The following ADD1 variants were observed in gnomAD, a reference collection of about 807,000 sequenced individuals.
The protein encoded by ADD1 is adducin 1, also known as alpha-adducin.
In ADD1, 24 loss-of-function variants were observed where a neutral mutation model predicts 80.5. That is an observed-to-expected ratio of 0.30 (90% CI 0.22 to 0.42). ADD1 has a LOEUF of 0.42. Among genes scored for constraint, ADD1 ranks in the 10% least tolerant of loss-of-function variants. The probability of loss-of-function intolerance (pLI) is 1.00; values close to 1 mark genes in which losing one functional copy is unlikely to be tolerated. For synonymous variants in ADD1, 373 were observed against 393.8 expected (o/e 0.95, Z 0.63); for missense variants, 948 against 1,019.0 (o/e 0.93, Z 0.95).
At chr4:2,850,222 C>T (rs778790127) in intron 1 of ADD1, among the ~76,000 whole-genome samples, 1 of 152,200 alleles carries the variant, frequency 6.6e-6, no homozygotes, top group Admixed American at 6.5e-5. Flanking sequence ...AGACCATGTG[C>T]TTCATGATTT....
chr4:2,844,560 C>T (rs1395286884), intron 1 of ADD1: 1 of 152,258 alleles, frequency 6.6e-6, no homozygotes, highest in Non-Finnish European at 1.5e-5. Flanking sequence ...TTTGCCCTCC[C>T]TCTCTTTTCT....
At chr4:2,846,842 G>A (rs1023080565) in intron 1 of ADD1, among the ~76,000 whole-genome samples, 3 of 148,844 alleles carry the variant, frequency 2.0e-5, no homozygotes, top group African/African-American at 5.0e-5. Flanking sequence ...AAAAAGCCGA[G>A]CGTGGTGGCT....
chr4:2,868,124 C>G (rs1729829394), intron 1 of ADD1: 1 of 152,258 alleles, frequency 6.6e-6, no homozygotes, highest in African/African-American at 2.4e-5. Flanking sequence ...GAACCTTCAA[C>G]ATAAGGTGGG....
At chr4:2,855,961 A>T (rs187096793) in intron 1 of ADD1, among the ~76,000 whole-genome samples, 5 of 151,548 alleles carry the variant, frequency 3.3e-5, no homozygotes, top group Admixed American at 2.6e-4. Context: ...AGTCTCCCAG[A>T]GTGCTAGGAT....
intron 1 of ADD1, among the ~76,000 whole-genome samples, chr4:2,867,160 G>A (rs543498315): frequency 1.3e-5 from 2 of 152,292 alleles, no homozygotes; most frequent in South Asian, 4.1e-4. Flanking sequence ...TGGAATTAAC[G>A]AGTGTGTGTG....
chr4:2,894,245 A>G, intron 5 of ADD1, 152 bp downstream of exon 5: 1 of 683,810 alleles, frequency 1.5e-6, no homozygotes, highest in South Asian at 1.9e-5. Context: ...CTTTGAGAGA[A>G]GTTACAAATA....
chr4:2,903,280 G>A (rs1736498214), intron 9 of ADD1, among the ~76,000 whole-genome samples: 1 of 152,178 alleles, frequency 6.6e-6, no homozygotes, highest in South Asian at 2.1e-4. Context: ...GTTCAGGTGC[G>A]AATCTGTTAG....
At chr4:2,886,925 G>A (rs542858807) in intron 4 of ADD1, among the ~76,000 whole-genome samples, 4 of 152,334 alleles carry the variant, frequency 2.6e-5, no homozygotes, top group East Asian at 1.9e-4. Flanking sequence ...GATTGGAAAC[G>A]TAACCCTAAC....
intron 10 of ADD1, chr4:2,907,090 C>T (rs1243072335): frequency 1.3e-5 from 2 of 152,090 alleles, no homozygotes; most frequent in African/African-American, 2.4e-5. Context: ...ACTCATGAAG[C>T]GCTTCAAGTT....
chr4:2,926,266 C>T lies in ADD1; in HGVS notation c.2047+154C>T. 1 of 769,466 alleles carries T rather than the reference C, an allele frequency of 1.3e-6. No homozygotes were observed. Among genetic ancestry groups the T allele is most frequent in the Non-Finnish European group, 2.3e-6 (1 of 437,104 alleles). 47.7% of individuals were successfully genotyped at this position (769,466 alleles called of 1,614,324 possible). On this transcript the variant is annotated intron_variant, in intron 15 of 15. Coordinates refer to ENST00000683351, the MANE Select transcript of ADD1 (RefSeq NM_001354761.2). This position sits in a 1 kb window ranked among gnomAD's most constrained non-coding sequence, Gnocchi z 5.0. Reference sequence around the variant, plus strand: ...ACACCTTTCTCCTCCTATATTGCTTCTGTCCTGGGTAACTCCAGGCAAAAC... The same window carrying T: ...ACACCTTTCTCCTCCTATATTGCTTTTGTCCTGGGTAACTCCAGGCAAAAC...
In ADD1 at chr4:2,862,669, A is replaced by C. The variant is rs77576671; in HGVS notation, c.-20-13227A>C. On this transcript the variant is annotated intron_variant, in intron 1 of 15. Coordinates refer to ENST00000683351, the MANE Select transcript of ADD1 (RefSeq NM_001354761.2). ...GAGCTTTCCTTTGCTCTTCCTACTT[A>C]ATGATGTGACTCACCTCCCCACCCC... Among the ~76,000 whole-genome samples, 14 of 152,236 alleles carry C rather than the reference A, an allele frequency of 9.2e-5. No homozygotes were observed. In the East Asian group the frequency reaches 2.5e-3, roughly 27 times the overall value.
chr4:2,876,857 C>T (rs1234077601), intron 2 of ADD1, among the ~76,000 whole-genome samples: 1 of 151,410 alleles, frequency 6.6e-6, no homozygotes, highest in East Asian at 1.9e-4. Flanking sequence ...AAAAAATTAG[C>T]CGGGCATAGT....
intron 4 of ADD1, among the ~76,000 whole-genome samples, chr4:2,892,940 AG>A (rs1320292176): frequency 1.3e-5 from 2 of 151,616 alleles, no homozygotes; most frequent in African/African-American, 2.4e-5. Context: ...TTTTTGAGAC[AG>A]GGTCTTGTCT....
chr4:2,856,952 G>A (rs896854793), intron 1 of ADD1, among the ~76,000 whole-genome samples: 6 of 150,754 alleles, frequency 4.0e-5, no homozygotes, highest in African/African-American at 1.2e-4. Context: ...TTGCTTTGTC[G>A]CCCAGGCTGG....
chr4:2,867,403 C>A (rs1729710996), intron 1 of ADD1, among the ~76,000 whole-genome samples: 1 of 152,142 alleles, frequency 6.6e-6, no homozygotes, highest in South Asian at 2.1e-4. Context: ...TCAGTACTGA[C>A]CCTTGGACTG....
intron 1 of ADD1, 128 bp from the exon 2 acceptor site, chr4:2,875,768 G>T: frequency 1.3e-6 from 1 of 745,450 alleles, no homozygotes; most frequent in African/African-American, 1.8e-5. Context: ...ACAGGTCATG[G>T]TTTCCACTGT....
At chr4:2,850,526 C>T (rs529985597) in intron 1 of ADD1, among the ~76,000 whole-genome samples, 44 of 152,064 alleles carry the variant, frequency 2.9e-4, no homozygotes, top group Middle Eastern at 3.4e-3. Context: ...CCCGGGTTCA[C>T]GCCATTCTCC....
intron 10 of ADD1, chr4:2,907,467 G>T: frequency 3.1e-6 from 1 of 327,148 alleles, no homozygotes; most frequent in East Asian, 7.0e-5. Context: ...CAGCTCTGTC[G>T]TCAGCCTACC....
At chr4:2,896,449 T>C (rs1447771040) in intron 6 of ADD1, among the ~76,000 whole-genome samples, 3 of 152,036 alleles carry the variant, frequency 2.0e-5, no homozygotes, top group Non-Finnish European at 2.9e-5. Flanking sequence ...CCTCAAGTGA[T>C]CTGCCCACCT....
Sources: allele counts gnomAD v4.1 joint callset (sites outside exome capture counted in the v4.1 genomes callset), GRCh38; gene constraint gnomAD v4.1.1; non-coding constraint Gnocchi (gnomAD v3.1); transcripts MANE v1.5; gene names NCBI Gene and HGNC (gene_info 2026-07-23, HGNC 2026-07-21).